RPGR: variants seen among roughly 807,000 people sequenced by gnomAD.
RPGR encodes X-linked retinitis pigmentosa GTPase regulator.
In RPGR, 10 loss-of-function variants were observed where a neutral mutation model predicts 56.3. The observed-to-expected ratio is 0.18, with a 90% CI of 0.11 to 0.30. The LOEUF is 0.30. RPGR is among the 10% of genes least tolerant of loss of function. RPGR has a pLI of 1.00. For synonymous variants in RPGR, 197 were observed against 212.9 expected, an observed-to-expected ratio of 0.93 and a Z score of 0.65; for missense variants, 538 against 590.9, an observed-to-expected ratio of 0.91 and a Z score of 0.93.
chrX:38,297,157 T>C lies in RPGR; in HGVS notation c.1414+127A>G, dbSNP rs139924845. On this transcript the variant is annotated intron_variant, in intron 11 of 18. Coordinates refer to ENST00000642395, the MANE Select transcript of RPGR (RefSeq NM_000328.3). The stretch of plus-strand genomic sequence containing the variant: ...ATTCCCGGATTTGAGTTCAAATGAG[T>C]GATGTTAGGCTCTAACCAGGGAGAG... The C allele has an allele frequency of 0.016, 11,072 of 696,525 alleles. 170 individuals carry two copies. Among genetic ancestry groups the C allele is most frequent in the African/African-American group, 0.092 (4,266 of 46,525 alleles). 57.4% of individuals were successfully genotyped at this position (696,525 alleles called of 1,213,427 possible).
At chrX:38,291,913 G>A (rs1385660579) in intron 11 of RPGR, among the ~76,000 whole-genome samples, 1 of 112,165 alleles carries the variant, frequency 8.9e-6, no homozygotes, top group Non-Finnish European at 1.9e-5. Context: ...AATTGTGATA[G>A]CATTATGGCT....
At chrX:38,315,491 C>A (rs900884425) in intron 6 of RPGR, among the ~76,000 whole-genome samples, 11 of 111,618 alleles carry the variant, frequency 9.9e-5, no homozygotes, top group Admixed American at 2.9e-4. Flanking sequence ...CGTGTTCTCA[C>A]TTATTTGTGG....
At chrX:38,326,964 G>C (rs1405145409) in intron 1 of RPGR, 1 of 174,932 alleles carries the variant, frequency 5.7e-6, no homozygotes, top group East Asian at 1.3e-4. Flanking sequence ...GGCTAAGGCA[G>C]GAGAATCGCC....
intron 11 of RPGR, among the ~76,000 whole-genome samples, chrX:38,294,301 T>A (rs929046866): frequency 1.1e-4 from 12 of 111,546 alleles, no homozygotes; most frequent in African/African-American, 3.9e-4. Context: ...AAATGTTAGA[T>A]GTTCTTAGGG....
chrX:38,286,333 T>A, intron 15 of RPGR: 1 of 716,491 alleles, frequency 1.4e-6, no homozygotes, highest in Admixed American at 5.7e-5. Context: ...TTCTCCTTCC[T>A]CTTCTCCCTC....
chrX:38,302,803 C>CT (rs1289293091), intron 8 of RPGR: 1,505 of 87,136 alleles, frequency 0.017, 31 homozygotes, highest in African/African-American at 0.056. Flanking sequence ...TTTAGACTAC[C>CT]TTTTTTTTTT....
rs1569249005 is a variant in RPGR at position 38,303,575 on chromosome X, A to G, written c.934+1060T>C. On this transcript the variant is annotated intron_variant, in intron 8 of 18. Coordinates refer to ENST00000642395, the MANE Select transcript of RPGR (RefSeq NM_000328.3). ...AAGTGACATTAGGACCCTATAGTTA[A>G]GGGATACACAACAACTCTTAGTGGA... The G allele has an allele frequency of 7.4e-5, 20 of 272,097 alleles. No homozygotes were observed. The East Asian group carries it at 1.1e-3, about 14-fold the overall frequency. The allele number at this position is 272,097 out of a possible 1,213,427, so 22.4% of individuals were successfully genotyped here. A position where few individuals can be genotyped will look rare whatever the true frequency, so the allele number is the denominator to read the frequency against.
chrX:38,270,741 A>G (rs947025556), intron 18 of RPGR, among the ~76,000 whole-genome samples: 1 of 110,577 alleles, frequency 9.0e-6, no homozygotes, highest in African/African-American at 3.3e-5. Context: ...GGGGCTGCAG[A>G]TATGTAGAAT....
chrX:38,277,082 A>G (rs2066949365), intron 15 of RPGR, among the ~76,000 whole-genome samples: 1 of 111,987 alleles, frequency 8.9e-6, no homozygotes, highest in African/African-American at 3.2e-5. Context: ...AATGCTTTCA[A>G]CCTTGAGAAA....
chrX:38,283,173 C>T (rs901171095), intron 15 of RPGR, among the ~76,000 whole-genome samples: 7 of 111,178 alleles, frequency 6.3e-5, no homozygotes, highest in Admixed American at 5.7e-4. Flanking sequence ...CAATACACTC[C>T]TCTCCATAAA....
chrX:38,320,996 G>A, intron 4 of RPGR, 31 bp downstream of exon 4: 4 of 1,112,702 alleles, frequency 3.6e-6, no homozygotes, highest in Non-Finnish European at 5.0e-6. Context: ...CTCAAAGTCA[G>A]GCAGGAAATC....
chrX:38,312,836 G>A (rs991126949), intron 6 of RPGR, among the ~76,000 whole-genome samples: 13 of 110,740 alleles, frequency 1.2e-4, no homozygotes, highest in Admixed American at 1.2e-3. Flanking sequence ...CTAGCTACTC[G>A]GAGGAATGAG....
intron 18 of RPGR, among the ~76,000 whole-genome samples, chrX:38,270,622 C>CA (rs1569226757): frequency 2.1e-5 from 2 of 93,471 alleles, no homozygotes; most frequent in African/African-American, 8.3e-5. Context: ...GACTCTGTCC[C>CA]CAAAAAAAAA....
intron 11 of RPGR, among the ~76,000 whole-genome samples, chrX:38,291,918 A>G (rs1316306775): frequency 8.9e-6 from 1 of 112,054 alleles, no homozygotes; most frequent in African/African-American, 3.2e-5. Flanking sequence ...TGATAGCATT[A>G]TGGCTTCTGT....
At chrX:38,289,326 T>C (rs1276985931) in intron 13 of RPGR, among the ~76,000 whole-genome samples, 3 of 112,103 alleles carry the variant, frequency 2.7e-5, no homozygotes, top group African/African-American at 9.7e-5. Context: ...ATAATTTCTA[T>C]AAATGAAAGA....
rs1054145753 is a variant in RPGR, at chrX:38,327,341, G to A, written c.27C>T (p.Pro9=). Reference sequence around the variant, plus strand: ...GCCACCGGCGCGGGCGCAACTCACCGGGCATCAGCTCTTCCGGCTCCCTCA... The same window carrying A: ...GCCACCGGCGCGGGCGCAACTCACCAGGCATCAGCTCTTCCGGCTCCCTCA... Residue 9 remains proline (P), a splice_region_variant and synonymous_variant, in exon 1 of 19, where the codon CCC becomes CCT. Coordinates refer to ENST00000642395, the MANE Select transcript of RPGR (RefSeq NM_000328.3). 5 of 1,188,780 alleles carry A rather than the reference G, an allele frequency of 4.2e-6. No homozygotes were observed. The highest frequency in any genetic ancestry group is 1.8e-5 in the African/African-American group (1 of 57,069).
At chrX:38,307,311 A>G (rs946646503) in intron 7 of RPGR, among the ~76,000 whole-genome samples, 1 of 112,196 alleles carries the variant, frequency 8.9e-6, no homozygotes, top group African/African-American at 3.2e-5. Context: ...CCTGATCCCA[A>G]GGAGAAACTA....
chrX:38,289,786 C>T (rs748276950), intron 13 of RPGR, among the ~76,000 whole-genome samples: 63 of 112,513 alleles, frequency 5.6e-4, no homozygotes, highest in African/African-American at 1.9e-3. Context: ...GCTGTTCTTG[C>T]TATTGCTCTT....
intron 6 of RPGR, among the ~76,000 whole-genome samples, chrX:38,316,110 T>C (rs1198792747): frequency 9.0e-6 from 1 of 110,838 alleles, no homozygotes; most frequent in Non-Finnish European, 1.9e-5. Context: ...TAATGGCTAG[T>C]GTGAAAATTA....
Sources: allele counts gnomAD v4.1 joint callset (sites outside exome capture counted in the v4.1 genomes callset), GRCh38; gene constraint gnomAD v4.1.1; transcripts MANE v1.5; gene names NCBI Gene and HGNC (gene_info 2026-07-23, HGNC 2026-07-21).